Variants in DAPK1 observed in about 807,000 individuals in gnomAD.
DAPK1 encodes the protein death associated protein kinase 1, also known as death-associated protein kinase 1.
Under a neutral mutation model 144.9 loss-of-function variants are expected in DAPK1, and 56 were observed. The ratio of observed to expected loss-of-function variants is 0.39; its 90% CI spans 0.31 to 0.48. The LOEUF (loss-of-function observed/expected upper bound fraction) is 0.48, where lower values mean the gene tolerates loss of function less well. Ranked by LOEUF, DAPK1 falls within the 20% of genes least tolerant of loss-of-function variation. DAPK1 has a pLI of 0.95. For missense variants in DAPK1, 1,454 were observed against 1,875.4 expected, an observed-to-expected ratio of 0.78 and a Z score of 4.15; for synonymous variants, 690 against 749.0, an observed-to-expected ratio of 0.92 and a Z score of 1.29.
At position 87,497,881 on chromosome 9, in the gene DAPK1, G is replaced by C. The variant is rs1287941195; in HGVS notation, c.-335G>C. 4 of 394,062 alleles carry C rather than the reference G, an allele frequency of 1.0e-5. No individual in the cohort carries two copies. The highest frequency in any genetic ancestry group is 6.2e-5 in the African/African-American group (3 of 48,422). 24.4% of individuals were successfully genotyped at this position (394,062 alleles called of 1,614,324 possible). Reference sequence around the variant, plus strand: ...GCCGAGAGGCTGCTTCGGAGTGTGAGGAGGACAGCCGGACCGAGCCAACGC... The same window carrying C: ...GCCGAGAGGCTGCTTCGGAGTGTGACGAGGACAGCCGGACCGAGCCAACGC... On this transcript the variant is annotated 5_prime_UTR_variant, in exon 1 of 26. Coordinates refer to ENST00000408954, the MANE Select transcript of DAPK1 (RefSeq NM_004938.4).
chr9:87,617,125 T>G (rs142880785), intron 3 of DAPK1, among the ~76,000 whole-genome samples: 1 of 152,338 alleles, frequency 6.6e-6, no homozygotes, highest in African/African-American at 2.4e-5. Flanking sequence ...CACTGAAAAA[T>G]GCACAATTTG....
chr9:87,521,866 G>T (rs755583088), intron 2 of DAPK1, among the ~76,000 whole-genome samples: 25 of 152,234 alleles, frequency 1.6e-4, no homozygotes, highest in Non-Finnish European at 2.8e-4. Context: ...GAGCCTTCAT[G>T]AATGGATTAA....
chr9:87,677,262 C>T (rs1017937997), intron 19 of DAPK1, among the ~76,000 whole-genome samples: 3 of 152,200 alleles, frequency 2.0e-5, no homozygotes, highest in Non-Finnish European at 2.9e-5. Context: ...GTGAGCTGGA[C>T]TGTCAGTACA....
chr9:87,604,036 G>A (rs7032188), intron 2 of DAPK1, among the ~76,000 whole-genome samples: 139,701 of 152,172 alleles, frequency 0.92, 64,329 homozygotes, highest in East Asian at 1. Flanking sequence ...GTTTCAGGCC[G>A]GGGCTGATCC....
intron 2 of DAPK1, among the ~76,000 whole-genome samples, chr9:87,534,449 T>A (rs377200274): frequency 6.6e-6 from 1 of 152,092 alleles, no homozygotes; most frequent in South Asian, 2.1e-4. Flanking sequence ...TTACTTTCCA[T>A]TGAGTTTATT....
intron 2 of DAPK1, among the ~76,000 whole-genome samples, chr9:87,598,986 G>A (rs967452836): frequency 1.3e-5 from 2 of 152,200 alleles, no homozygotes; most frequent in Non-Finnish European, 2.9e-5. Flanking sequence ...GTCTTCAACT[G>A]GGAGGAGAAG....
rs535945580 is a variant in DAPK1, at chr9:87,646,508, A to T, written c.1179A>T (p.Gln393His). The change falls in exon 13 of 26, where the codon CAA becomes CAT. Residue 393 changes from glutamine to histidine, a missense_variant. Transcript: ENST00000408954. ...TTGCTGCTGGCTGTGGGAATATTCA[A>T]ATACTACAGTTGCTCATTAAAAGAG... ...LLIAAGCGNI[Q>H]ILQLLIKRGS... 1 of 1,614,142 alleles carries T rather than the reference A, an allele frequency of 6.2e-7. No individual in the cohort carries two copies. The highest frequency in any genetic ancestry group is 2.2e-5 in the East Asian group (1 of 44,876).
At position 87,651,569 on chromosome 9, in the gene DAPK1, A is replaced by T; in HGVS notation, c.1669A>T (p.Met557Leu). 6.2e-7 allele frequency: 1 copy of T among 1,614,190 alleles called. No homozygotes were observed. Among genetic ancestry groups the T allele is most frequent in the East Asian group, 2.2e-5 (1 of 44,884 alleles). Residue 557 changes from methionine (M) to leucine (L), a missense_variant, in exon 17 of 26, where the codon ATG (methionine) becomes TTG (leucine). Around this residue, in one of 2 missense-constraint regions of DAPK1, gnomAD observed 1,025 missense variants for 1,237.9 expected, o/e 0.83. Transcript: ENST00000408954. Reference protein sequence around the residue: ...ALHLAVRRCQMEVIKTLLSQG... With the variant: ...ALHLAVRRCQLEVIKTLLSQG... ...TCATCTGGCTGTAAGACGGTGTCAGATGGAGGTAATCAAGACTCTCCTCAG... is the reference window on the plus strand; with the variant it reads ...TCATCTGGCTGTAAGACGGTGTCAGTTGGAGGTAATCAAGACTCTCCTCAG...
intron 2 of DAPK1, among the ~76,000 whole-genome samples, chr9:87,563,358 C>T (rs1261115146): frequency 6.6e-6 from 1 of 152,152 alleles, no homozygotes; most frequent in Non-Finnish European, 1.5e-5. Flanking sequence ...TTAAGTGGTT[C>T]ACACTCCCAT....
At chr9:87,592,604 G>A (rs571670498) in intron 2 of DAPK1, among the ~76,000 whole-genome samples, 14 of 152,200 alleles carry the variant, frequency 9.2e-5, no homozygotes, top group African/African-American at 2.9e-4. Context: ...GAGAGTTAAC[G>A]CCATCAGTCT....
intron 3 of DAPK1, among the ~76,000 whole-genome samples, chr9:87,629,771 T>G (rs1467046621): frequency 1.3e-5 from 2 of 152,190 alleles, no homozygotes; most frequent in Non-Finnish European, 2.9e-5. Flanking sequence ...CAAAGATGGC[T>G]TCAGTGTTAT....
intron 2 of DAPK1, among the ~76,000 whole-genome samples, chr9:87,508,745 A>T (rs1230943804): frequency 7.3e-6 from 1 of 137,342 alleles, no homozygotes; most frequent in Non-Finnish European, 1.6e-5. Flanking sequence ...CATCAATGCC[A>T]TTCTTTTTTT....
At chr9:87,604,402 T>C (rs1828639794) in intron 2 of DAPK1, among the ~76,000 whole-genome samples, 1 of 152,196 alleles carries the variant, frequency 6.6e-6, no homozygotes, top group South Asian at 2.1e-4. Context: ...GAGATAATGC[T>C]GGAGAAGTGA....
chr9:87,529,513 T>C (rs1372930995), intron 2 of DAPK1, among the ~76,000 whole-genome samples: 2 of 152,230 alleles, frequency 1.3e-5, no homozygotes, highest in Non-Finnish European at 2.9e-5. Flanking sequence ...TCTACAACAG[T>C]GCCTGACACA....
chr9:87,511,517 A>G (rs564117973), intron 2 of DAPK1, among the ~76,000 whole-genome samples: 1 of 152,186 alleles, frequency 6.6e-6, no homozygotes, highest in African/African-American at 2.4e-5. Flanking sequence ...TGTAGCCAGG[A>G]GGAGTTAGCT....
At chr9:87,613,185 A>G (rs1482069743) in intron 3 of DAPK1, among the ~76,000 whole-genome samples, 1 of 152,236 alleles carries the variant, frequency 6.6e-6, no homozygotes, top group East Asian at 1.9e-4. Flanking sequence ...TATATTTAAA[A>G]AGGTAAATTT....
intron 20 of DAPK1, among the ~76,000 whole-genome samples, chr9:87,683,842 C>G (rs1179021001): frequency 6.6e-6 from 1 of 152,210 alleles, no homozygotes; most frequent in Non-Finnish European, 1.5e-5. Flanking sequence ...GCAGGCACAC[C>G]AGCTGCTTTC....
chr9:87,525,384 G>A (rs929999561), intron 2 of DAPK1: 64 of 1,611,316 alleles, frequency 4.0e-5, no homozygotes, highest in East Asian at 1.1e-4. Flanking sequence ...TCAAACAACC[G>A]GCACGGTCTG....
At chr9:87,682,871 G>A (rs1249854658) in intron 20 of DAPK1, among the ~76,000 whole-genome samples, 2 of 152,154 alleles carry the variant, frequency 1.3e-5, no homozygotes, top group Non-Finnish European at 2.9e-5. Context: ...TCTGGTGCCT[G>A]AGCCAGTGCT....
Sources: allele counts gnomAD v4.1 joint callset (sites outside exome capture counted in the v4.1 genomes callset), GRCh38; gene constraint gnomAD v4.1.1; regional missense constraint gnomAD v4.1.1; transcripts MANE v1.5; gene names NCBI Gene and HGNC (gene_info 2026-07-23, HGNC 2026-07-21).